PRIM2: variants seen among roughly 807,000 people sequenced by gnomAD.
The protein encoded by PRIM2 is DNA primase large subunit.
Under a neutral mutation model 67.3 loss-of-function variants are expected in PRIM2, and 39 were observed. The observed-to-expected ratio is 0.58, with a 90% CI of 0.45 to 0.76. PRIM2 has a LOEUF of 0.76. Ranked by LOEUF, PRIM2 falls within the 30% of genes least tolerant of loss-of-function variation. The probability of loss-of-function intolerance (pLI) is 0.00; values close to 1 mark genes in which losing one functional copy is unlikely to be tolerated. For synonymous variants in PRIM2, 143 were observed against 198.7 expected (o/e 0.72, Z 2.36); for missense variants, 398 against 598.7 (o/e 0.66, Z 3.50).
chr6:57,425,045 A>G (rs1771576722), intron 7 of PRIM2, among the ~76,000 whole-genome samples: 1 of 152,210 alleles, frequency 6.6e-6, no homozygotes, highest in Non-Finnish European at 1.5e-5. Context: ...TATCTTGGTT[A>G]AATAGATAAC....
At chr6:57,620,988 T>G (rs1326273066) in intron 12 of PRIM2, among the ~76,000 whole-genome samples, 7 of 152,264 alleles carry the variant, frequency 4.6e-5, no homozygotes, top group Admixed American at 4.6e-4. Flanking sequence ...GGAGCTGCCA[T>G]GCCAGGCATT....
At chr6:57,428,518 G>T (rs1292510727) in intron 7 of PRIM2, among the ~76,000 whole-genome samples, 1 of 152,056 alleles carries the variant, frequency 6.6e-6, no homozygotes, top group Admixed American at 6.6e-5. Flanking sequence ...TTTCAGTAGG[G>T]CTCCCTATTC....
intron 7 of PRIM2, among the ~76,000 whole-genome samples, chr6:57,500,282 C>T (rs1774104585): frequency 6.6e-6 from 1 of 152,198 alleles, no homozygotes; most frequent in Admixed American, 6.5e-5. Context: ...GTTTGCCCTC[C>T]TCCAAGCCGT....
chr6:57,504,038 C>G (rs1774200383), intron 7 of PRIM2, among the ~76,000 whole-genome samples: 1 of 152,156 alleles, frequency 6.6e-6, no homozygotes, highest in Non-Finnish European at 1.5e-5. Context: ...TCAAAGGAGA[C>G]AGAAGTGCTC....
chr6:57,601,435 A>C (rs1402523292), intron 11 of PRIM2, among the ~76,000 whole-genome samples: 1 of 152,208 alleles, frequency 6.6e-6, no homozygotes, highest in East Asian at 1.9e-4. Context: ...GCTGCACTTC[A>C]GTTTGTGCTG....
chr6:57,539,975 CAG>C (rs1300499970), intron 10 of PRIM2, among the ~76,000 whole-genome samples: 1,842 of 149,014 alleles, frequency 0.012, 31 homozygotes, highest in African/African-American at 0.044. Flanking sequence ...GCCTGAGTGA[CAG>C]AGTGAGACTC....
chr6:57,341,632 C>G (rs1197692865), intron 5 of PRIM2, among the ~76,000 whole-genome samples: 3 of 152,180 alleles, frequency 2.0e-5, no homozygotes, highest in Non-Finnish European at 4.4e-5. Flanking sequence ...AACATGCACA[C>G]TTTCATCACT....
intron 10 of PRIM2, among the ~76,000 whole-genome samples, chr6:57,565,151 C>A (rs1775713441): frequency 6.6e-6 from 1 of 152,114 alleles, no homozygotes. Flanking sequence ...GTTTATGAAA[C>A]AAGTGGAGAA....
chr6:57,255,491 C>G, the PRIM2 span, among the ~76,000 whole-genome samples: 1 of 125,644 alleles, frequency 8.0e-6, no homozygotes, highest in African/African-American at 2.9e-5. Flanking sequence ...GAGCAGGACT[C>G]TATCTCAAAA....
chr6:57,434,432 T>TA (rs919902975), intron 7 of PRIM2, among the ~76,000 whole-genome samples: 385 of 149,634 alleles, frequency 2.6e-3, no homozygotes, highest in African/African-American at 8.0e-3. Flanking sequence ...ATTAAAGCCT[T>TA]AAAAAAAAAA....
chr6:57,340,552 T>A (rs2127293350), intron 5 of PRIM2, among the ~76,000 whole-genome samples: 1 of 152,292 alleles, frequency 6.6e-6, no homozygotes, highest in South Asian at 2.1e-4. Flanking sequence ...TCATGTCCTT[T>A]GTAGGGACAT....
chr6:57,490,791 GA>G (rs1159203954), intron 7 of PRIM2, among the ~76,000 whole-genome samples: 2 of 152,146 alleles, frequency 1.3e-5, no homozygotes, highest in African/African-American at 4.8e-5. Flanking sequence ...TTTTTGAAGA[GA>G]CATCTCACTA....
chr6:57,377,264 G>A lies in PRIM2; in HGVS notation c.460-2637G>A, dbSNP rs1769799473. On this transcript the variant is annotated intron_variant, in intron 5 of 13. Transcript: ENST00000615550. Reference sequence around the variant, plus strand: ...TAATAATTTGTCGTGGATACTTCTGGATTTTCTAAGTATACTAAATCATAT... The same window carrying A: ...TAATAATTTGTCGTGGATACTTCTGAATTTTCTAAGTATACTAAATCATAT... Among the ~76,000 whole-genome samples, 3 of 152,190 alleles carry A rather than the reference G, an allele frequency of 2.0e-5. No homozygotes were observed. In the South Asian group the frequency reaches 6.2e-4, roughly 32 times the overall value.
chr6:57,496,952 C>T (rs1249274555), intron 7 of PRIM2, among the ~76,000 whole-genome samples: 9 of 152,256 alleles, frequency 5.9e-5, no homozygotes, highest in Non-Finnish European at 1.3e-4. Flanking sequence ...AAAGACTTAC[C>T]TCACGTGGGC....
chr6:57,286,641 A>C, the PRIM2 span, among the ~76,000 whole-genome samples: 3 of 152,206 alleles, frequency 2.0e-5, no homozygotes, highest in African/African-American at 7.2e-5. Context: ...ATAAAACCTA[A>C]AAGTATAAAA....
At chr6:57,395,527 G>C (rs1225449797) in intron 7 of PRIM2, among the ~76,000 whole-genome samples, 1 of 152,012 alleles carries the variant, frequency 6.6e-6, no homozygotes, top group East Asian at 1.9e-4. Context: ...TTGTTTCTTA[G>C]TTATGTTATT....
the PRIM2 span, among the ~76,000 whole-genome samples, chr6:57,287,912 T>C: frequency 4.2e-3 from 636 of 152,162 alleles, 6 homozygotes; most frequent in African/African-American, 0.015. Flanking sequence ...GTTCATCTCA[T>C]TGGGACTGGT....
At chr6:57,256,031 A>G in the PRIM2 span, among the ~76,000 whole-genome samples, 1 of 151,876 alleles carries the variant, frequency 6.6e-6, no homozygotes, top group Non-Finnish European at 1.5e-5. Flanking sequence ...ACATACACAC[A>G]CACACACACA....
chr6:57,433,302 A>G (rs1771894187), intron 7 of PRIM2, among the ~76,000 whole-genome samples: 1 of 152,008 alleles, frequency 6.6e-6, no homozygotes, highest in Non-Finnish European at 1.5e-5. Context: ...GGTTAGTTAC[A>G]TATGTATACA....
Sources: allele counts gnomAD v4.1 joint callset (sites outside exome capture counted in the v4.1 genomes callset), GRCh38; gene constraint gnomAD v4.1.1; transcripts MANE v1.5; gene names NCBI Gene and HGNC (gene_info 2026-07-23, HGNC 2026-07-21).